The following KPTN variants were observed in gnomAD, a reference collection of about 807,000 sequenced individuals.
KPTN encodes the protein KICSTOR complex protein kaptin.
A neutral mutation model predicts 52.6 loss-of-function variants in KPTN; 36 were observed. That is an observed-to-expected ratio of 0.68 (90% CI 0.52 to 0.90). KPTN has a LOEUF of 0.90. Among genes scored for constraint, KPTN ranks in the 40% least tolerant of loss-of-function variants. The pLI, the probability that KPTN is intolerant of heterozygous loss-of-function variation, is 0.00. For missense variants in KPTN, 529 were observed against 576.2 expected (o/e 0.92, Z 0.84); for synonymous variants, 271 against 248.4 (o/e 1.09, Z -0.85).
intron 7 of KPTN, 25 bp downstream of exon 7, chr19:47,480,273 T>C (rs908079166): frequency 7.9e-7 from 1 of 1,265,710 alleles, no homozygotes; most frequent in African/African-American, 1.6e-5. Flanking sequence ...CCCCACCCCT[T>C]ACCCCGCCTC....
At chr19:47,485,069 T>C (rs556541940), upstream of KPTN, among the ~76,000 whole-genome samples, 1 of 152,250 alleles carries the variant, frequency 6.6e-6, no homozygotes, top group Non-Finnish European at 1.5e-5. Flanking sequence ...CAAGGAAAAA[T>C]GATCCAGCTA....
At chr19:47,482,657 A>C (rs1320715224) in intron 4 of KPTN, among the ~76,000 whole-genome samples, 1 of 152,142 alleles carries the variant, frequency 6.6e-6, no homozygotes, top group Admixed American at 6.5e-5. Context: ...TTCCATTCTC[A>C]CATGACCTCT....
Position 47,484,023 on chromosome 19 carries a change from A to G in KPTN, c.138T>C (p.Leu46=). 2 of 1,612,654 alleles carry G rather than the reference A, an allele frequency of 1.2e-6. No individual in the cohort carries two copies. The highest frequency in any genetic ancestry group is 1.7e-6 in the Non-Finnish European group (2 of 1,179,980). Residue 46 remains leucine, a synonymous_variant, in exon 1 of 12, where the codon CTT becomes CTC. Transcript: ENST00000338134. The part of the protein sequence containing the change: ...GGRGELLAAT[L]KGKVLGFRYQ... Reference sequence around the variant, plus strand: ...AGCGGAAGCCGAGCACCTTGCCTTTAAGGGTGGCGGCCAGCAGCTCCCCGC... The same window carrying G: ...AGCGGAAGCCGAGCACCTTGCCTTTGAGGGTGGCGGCCAGCAGCTCCCCGC...
At chr19:47,477,557 C>A in intron 9 of KPTN, 149 bp downstream of exon 9, 1 of 566,922 alleles carries the variant, frequency 1.8e-6, no homozygotes, top group Non-Finnish European at 3.3e-6. Context: ...CTTCAATATT[C>A]ACAGCCCCCA....
At chr19:47,479,964 A>G (rs2122688023) in intron 7 of KPTN, 24 bp from the exon 8 acceptor site, 1 of 1,595,334 alleles carries the variant, frequency 6.3e-7, no homozygotes, top group African/African-American at 1.3e-5. Context: ...GAGGATTCAG[A>G]GCCCCAACCC....
intron 6 of KPTN, 72 bp from the exon 7 acceptor site, chr19:47,480,479 G>T: frequency 8.8e-7 from 1 of 1,130,216 alleles, no homozygotes; most frequent in Non-Finnish European, 1.3e-6. Context: ...CCTCCCCAGG[G>T]GCAGCCGCCC....
intron 8 of KPTN, among the ~76,000 whole-genome samples, chr19:47,479,460 G>A (rs2122686254): frequency 6.6e-6 from 1 of 152,284 alleles, no homozygotes; most frequent in Admixed American, 6.5e-5. Context: ...AGCATAGCCG[G>A]GAGCTAGAAT....
chr19:47,480,499 G>GCCCTGGGA, intron 6 of KPTN, 92 bp from the exon 7 acceptor site: 1 of 924,700 alleles, frequency 1.1e-6, no homozygotes, highest in Non-Finnish European at 1.6e-6. Context: ...CCTCCCTGTA[G>GCCCTGGGA]CCCTGGGACC....
intron 4 of KPTN, among the ~76,000 whole-genome samples, chr19:47,482,447 A>G (rs1967909453): frequency 6.8e-6 from 1 of 146,396 alleles, no homozygotes; most frequent in Non-Finnish European, 1.5e-5. Flanking sequence ...GAGCCACTGC[A>G]CTCCAGCCTG....
Position 47,476,891 on chromosome 19 carries a change from C to A in KPTN, c.911G>T (p.Ser304Ile). 6.4e-7 allele frequency: 1 copy of A among 1,563,508 alleles called. No homozygotes were observed. The highest frequency in any genetic ancestry group is 8.7e-7 in the Non-Finnish European group (1 of 1,153,400). Residue 304 changes from serine to isoleucine, a missense_variant, in exon 10 of 12, where the codon AGT (serine) becomes ATT (isoleucine). By Grantham distance (142) the Ser-to-Ile change is moderately radical. Coordinates refer to ENST00000338134, the MANE Select transcript of KPTN (RefSeq NM_007059.4). Reference protein sequence around the residue: ...GLEDQLLLPGSDQFDSVLCSL... With the variant: ...GLEDQLLLPGIDQFDSVLCSL... Reference sequence around the variant, plus strand: ...GCAGAGGACGCTGTCAAACTGGTCACTGCCGGGCAGGAGAAGCTGGTCTTC... The same window carrying A: ...GCAGAGGACGCTGTCAAACTGGTCAATGCCGGGCAGGAGAAGCTGGTCTTC...
At chr19:47,476,287 T>C (rs1180358896) in intron 11 of KPTN, 1 of 274,202 alleles carries the variant, frequency 3.6e-6, no homozygotes, top group East Asian at 5.5e-5. Flanking sequence ...AGAGCCTGGG[T>C]GACAGAGCAA....
chr19:47,483,834 C>G lies in KPTN; in HGVS notation c.226+101G>C, dbSNP rs1292141308. The stretch of plus-strand genomic sequence containing the variant: ...AGTGACCCCCTTAAAACCACCTGAT[C>G]CCATTCTTCCAGCACGGTGACCCGG... On this transcript the variant is annotated intron_variant, in intron 1 of 11. Coordinates refer to ENST00000338134, the MANE Select transcript of KPTN (RefSeq NM_007059.4). 6.3e-5 allele frequency: 95 copies of G among 1,502,410 alleles called. No individual in the cohort carries two copies. In the East Asian group the frequency reaches 2.2e-3, roughly 35 times the overall value. 93.1% of individuals were successfully genotyped at this position (1,502,410 alleles called of 1,614,324 possible).
Position 47,475,498 on chromosome 19 carries a change from T to C in KPTN, c.1229A>G (p.His410Arg). ...CCGACGTCTCCTCTGCTCCACTTGA[T>C]GTCGAAGCCGGGTCAAGACCAGCTC... ...ASELVLTRLR[H>R]QVEQRRRRLQ... The change falls in exon 12 of 12, where the codon CAT becomes CGT. Residue 410 changes from histidine to arginine, a missense_variant. Physicochemically the swap from His to Arg is conservative, Grantham distance 29. Transcript: ENST00000338134. 6.2e-7 allele frequency: 1 copy of C among 1,613,434 alleles called. No homozygotes were observed. Among genetic ancestry groups the C allele is most frequent in the Non-Finnish European group, 8.5e-7 (1 of 1,179,480 alleles).
At position 47,480,370 on chromosome 19, in the gene KPTN, AC is replaced by A; in HGVS notation, c.636del (p.Ser213ProfsTer41). The A allele has an allele frequency of 6.5e-7, 1 of 1,548,742 alleles. No homozygotes were observed. The highest frequency in any genetic ancestry group is 8.7e-7 in the Non-Finnish European group (1 of 1,146,144). ...CAGCCCAGAGCTGAGAGGCGCCGGG[AC>A]GTGCCGGGGAAGTTGTGGACGTCCA... Reference protein sequence around the residue: ...LWLDVHNFPGTSRRLSALGCQ... With the variant: ...LWLDVHNFPGXSRRLSALGCQ... On this transcript the variant is annotated frameshift_variant, in exon 7 of 12. Transcript: ENST00000338134. LOFTEE classifies it high-confidence loss of function.
intron 7 of KPTN, 116 bp downstream of exon 7, chr19:47,480,182 C>T: frequency 1.7e-6 from 1 of 572,016 alleles, no homozygotes; most frequent in Non-Finnish European, 3.1e-6. Context: ...CACCCTCATC[C>T]CTCAACCCAC....
chr19:47,483,101 G>C (rs1422201260), intron 4 of KPTN, 60 bp downstream of exon 4: 2 of 1,502,378 alleles, frequency 1.3e-6, no homozygotes, highest in Non-Finnish European at 1.9e-6. Context: ...GAAGGGGTTC[G>C]AGAAGCCAGG....
chr19:47,484,294 T>C, upstream of KPTN: 1 of 1,194,470 alleles, frequency 8.4e-7, no homozygotes, highest in South Asian at 1.6e-5. Context: ...CTGCCGGCGT[T>C]GCCCTCTCCC....
intron 4 of KPTN, among the ~76,000 whole-genome samples, chr19:47,481,842 T>TAGAATGGAA (rs1314740039): frequency 2.0e-5 from 3 of 152,222 alleles, no homozygotes; most frequent in African/African-American, 7.2e-5. Context: ...TCTGGAACTC[T>TAGAATGGAA]AGAATGGAAC....
At chr19:47,477,006 T>G in intron 9 of KPTN, 68 bp from the exon 10 acceptor site, 1 of 1,490,886 alleles carries the variant, frequency 6.7e-7, no homozygotes, top group East Asian at 2.5e-5. Context: ...TGGCGGATGC[T>G]AAGCTGGGTA....
Sources: allele counts gnomAD v4.1 joint callset (sites outside exome capture counted in the v4.1 genomes callset), GRCh38; gene constraint gnomAD v4.1.1; transcripts MANE v1.5; gene names NCBI Gene and HGNC (gene_info 2026-07-23, HGNC 2026-07-21).